POU3F3: variants seen among roughly 807,000 people sequenced by gnomAD.
POU3F3 encodes the protein POU domain, class 3, transcription factor 3.
Under a neutral mutation model 8.6 loss-of-function variants are expected in POU3F3, and 1 was observed. The ratio of observed to expected loss-of-function variants is 0.12; its 90% CI spans 0.04 to 0.55. The LOEUF is 0.55. POU3F3 is among the 20% of genes least tolerant of loss of function. The pLI, the probability that POU3F3 is intolerant of heterozygous loss-of-function variation, is 0.91. For missense variants in POU3F3, 577 were observed against 690.7 expected (o/e 0.84, Z 1.84); for synonymous variants, 418 against 327.4 (o/e 1.28, Z -2.99).
the POU3F3 span, among the ~76,000 whole-genome samples, chr2:104,878,186 G>A: frequency 6.6e-6 from 1 of 152,194 alleles, no homozygotes; most frequent in Non-Finnish European, 1.5e-5. Flanking sequence ...CAGATCAGCT[G>A]TGCTAGCAGA....
chr2:104,918,510 T>A, the POU3F3 span, among the ~76,000 whole-genome samples: 1 of 152,138 alleles, frequency 6.6e-6, no homozygotes, highest in African/African-American at 2.4e-5. Flanking sequence ...GTGACTGGTG[T>A]CCTTATAACA....
the POU3F3 span, among the ~76,000 whole-genome samples, chr2:104,901,848 T>C: frequency 2.6e-5 from 4 of 152,238 alleles, no homozygotes; most frequent in African/African-American, 7.2e-5. Context: ...ATTAACCAAG[T>C]CGCTGTGTAA....
At chr2:104,912,459 C>T in the POU3F3 span, among the ~76,000 whole-genome samples, 2 of 147,212 alleles carry the variant, frequency 1.4e-5, no homozygotes, top group African/African-American at 5.0e-5. Flanking sequence ...GTGTGGGGGG[C>T]CCCCACAGGA....
the POU3F3 span, among the ~76,000 whole-genome samples, chr2:104,885,953 C>T: frequency 1.0e-3 from 157 of 152,204 alleles, 2 homozygotes; most frequent in African/African-American, 3.5e-3. Context: ...CCTGCAATCA[C>T]GCCCGGCTAA....
chr2:104,857,031 A>G lies in POU3F3; in HGVS notation c.*18A>G. ...TTCAGTGAAGCCAGGGCGCAGAGCG[A>G]AGAGGGCCGCCGCCGCCGCCGCCTC... is the stretch of plus-strand genomic sequence containing the variant. On this transcript the variant is annotated 3_prime_UTR_variant, in exon 1 of 1. Coordinates refer to ENST00000361360, the MANE Select transcript of POU3F3 (RefSeq NM_006236.3). 1 of 1,519,128 alleles carries G rather than the reference A, an allele frequency of 6.6e-7. No individual in the cohort carries two copies. The highest frequency in any genetic ancestry group is 8.8e-7 in the Non-Finnish European group (1 of 1,131,708). The allele number at this position is 1,519,128 out of a possible 1,614,324, so 94.1% of individuals were successfully genotyped here. A position where few individuals can be genotyped will look rare whatever the true frequency, so the allele number is the denominator to read the frequency against.
chr2:104,923,521 A>C, the POU3F3 span, among the ~76,000 whole-genome samples: 1 of 152,284 alleles, frequency 6.6e-6, no homozygotes, highest in Admixed American at 6.5e-5. Flanking sequence ...AAAAATATAT[A>C]GCTGTAGAGT....
chr2:104,905,049 G>T, the POU3F3 span, among the ~76,000 whole-genome samples: 1 of 152,114 alleles, frequency 6.6e-6, no homozygotes, highest in Non-Finnish European at 1.5e-5. Flanking sequence ...AACTGCCATC[G>T]CAGCGACAAG....
chr2:104,905,612 G>T, the POU3F3 span, among the ~76,000 whole-genome samples: 2 of 152,322 alleles, frequency 1.3e-5, no homozygotes, highest in East Asian at 3.9e-4. Context: ...TGTCGGCAGG[G>T]TCATGCCTCT....
chr2:104,856,226 G>C lies in POU3F3; in HGVS notation c.716G>C (p.Gly239Ala). The change falls in exon 1 of 1, where the codon GGG (glycine) becomes GCG (alanine). Residue 239 changes from glycine to alanine, a missense_variant. Around this residue, in one of 7 missense-constraint regions of POU3F3, gnomAD observed 484 missense variants for 422.6 expected, o/e 1.15. Transcript: ENST00000361360. ...AACGGCATGCTGAGCGCGCCACCGG[G>C]GCCCGGCGGCGGCGGCGGCGGCGCG... ...TVNGMLSAPP[G>A]PGGGGGGAGG... The C allele has an allele frequency of 7.9e-7, 1 of 1,271,848 alleles. No individual in the cohort carries two copies. Among genetic ancestry groups the C allele is most frequent in the Non-Finnish European group, 9.8e-7 (1 of 1,017,576 alleles). 78.8% of individuals were successfully genotyped at this position (1,271,848 alleles called of 1,614,324 possible). A position where few individuals can be genotyped will look rare whatever the true frequency, so the allele number is the denominator to read the frequency against.
the POU3F3 span, among the ~76,000 whole-genome samples, chr2:104,926,627 CTATAAA>C: frequency 6.6e-6 from 1 of 152,176 alleles, no homozygotes; most frequent in South Asian, 2.1e-4. Context: ...AATCATTCTG[CTATAAA>C]GACACATGCA....
chr2:104,864,983 GT>G, the POU3F3 span, among the ~76,000 whole-genome samples: 2 of 152,198 alleles, frequency 1.3e-5, no homozygotes, highest in African/African-American at 4.8e-5. Flanking sequence ...CATTTTAAAT[GT>G]CTTAAGCTGG....
chr2:104,907,050 G>A, the POU3F3 span, among the ~76,000 whole-genome samples: 7 of 152,110 alleles, frequency 4.6e-5, no homozygotes, highest in East Asian at 1.9e-4. Context: ...CATATTGCAC[G>A]CGAAAAAAGA....
At chr2:104,890,183 G>A in the POU3F3 span, among the ~76,000 whole-genome samples, 1 of 152,214 alleles carries the variant, frequency 6.6e-6, no homozygotes, top group Non-Finnish European at 1.5e-5. Context: ...GCCACGAGAA[G>A]TTTGCACAAT....
downstream of POU3F3, among the ~76,000 whole-genome samples, chr2:104,862,352 C>A (rs779888456): frequency 6.6e-6 from 1 of 152,140 alleles, no homozygotes; most frequent in Non-Finnish European, 1.5e-5. Flanking sequence ...TGTGCGCGCG[C>A]GTGCCGTGTG....
chr2:104,866,385 G>C, the POU3F3 span: 1 of 152,228 alleles, frequency 6.6e-6, no homozygotes, highest in Non-Finnish European at 1.5e-5. Flanking sequence ...AGGTGAAGGG[G>C]TGGAAGTGAG....
chr2:104,893,740 G>A, the POU3F3 span, among the ~76,000 whole-genome samples: 14,521 of 152,048 alleles, frequency 0.096, 891 homozygotes, highest in Non-Finnish European at 0.14. Flanking sequence ...AAAATGAGCC[G>A]GGCATGGTGG....
chr2:104,903,540 T>C, the POU3F3 span, among the ~76,000 whole-genome samples: 1 of 152,204 alleles, frequency 6.6e-6, no homozygotes, highest in African/African-American at 2.4e-5. Context: ...CAAGGCACAG[T>C]AATAGGCAGT....
rs1023819583 is a variant in POU3F3, at chr2:104,858,155, C to T, written c.*1142C>T. 1.3e-5 allele frequency: 2 copies of T among 152,222 alleles called. No homozygotes were observed. The highest frequency in any genetic ancestry group is 2.9e-5 in the Non-Finnish European group (2 of 68,048). The allele number at this position is 152,222 out of a possible 1,614,324, so 9.4% of individuals were successfully genotyped here. A position where few individuals can be genotyped will look rare whatever the true frequency, so the allele number is the denominator to read the frequency against. ...GCACCAGCCGCTGCACTTCTCTGGA[C>T]TTCTCTCCTCAATCCGTTGCCAACT... is the stretch of plus-strand genomic sequence containing the variant. On this transcript the variant is annotated 3_prime_UTR_variant, in exon 1 of 1. Transcript: ENST00000361360.
chr2:104,855,993 C>A lies in POU3F3; in HGVS notation c.483C>A (p.Gly161=). Residue 161 remains glycine, a synonymous_variant, in exon 1 of 1, where the codon GGC becomes GGA. Transcript: ENST00000361360. ...CCGGGCGCGACGACCTGCACGCGGG[C>A]ACAGCGCTGCACCACCGCGGGCCGC... ...GGAGRDDLHA[G]TALHHRGPPH... 1 of 997,816 alleles carries A rather than the reference C, an allele frequency of 1.0e-6. No homozygotes were observed. 61.8% of individuals were successfully genotyped at this position (997,816 alleles called of 1,614,324 possible).
Sources: gnomAD v4.1 joint callset for allele counts (sites outside exome capture counted in the v4.1 genomes callset) on GRCh38, gnomAD v4.1.1 for gene constraint, gnomAD v4.1.1 regional missense constraint, MANE v1.5 for transcripts, NCBI Gene and HGNC (gene_info 2026-07-23, HGNC 2026-07-21) for gene names.